Variants in ARK2C observed in about 807,000 individuals in gnomAD.
ARK2C encodes arkadia (RNF111) C-terminal like ring finger ubiquitin ligase 2C.
At chr18:46,459,216 G>A in the ARK2C span, 2 of 152,180 alleles carry the variant, frequency 1.3e-5, no homozygotes, top group East Asian at 1.9e-4. Context: ...AACTAGAGCT[G>A]GTGTCCCAGG....
At chr18:46,442,733 G>T in the ARK2C span, among the ~76,000 whole-genome samples, 3 of 151,912 alleles carry the variant, frequency 2.0e-5, no homozygotes, top group African/African-American at 7.3e-5. Flanking sequence ...ATTATTCCAT[G>T]AATTATAAAG....
At chr18:46,365,060 T>C in the ARK2C span, among the ~76,000 whole-genome samples, 1 of 152,180 alleles carries the variant, frequency 6.6e-6, no homozygotes, top group Admixed American at 6.5e-5. Flanking sequence ...GCCCTATAAG[T>C]CTCTGGTTCT....
At chr18:46,396,946 C>A in the ARK2C span, among the ~76,000 whole-genome samples, 1 of 152,230 alleles carries the variant, frequency 6.6e-6, no homozygotes, top group Non-Finnish European at 1.5e-5. Context: ...CTGGGGGGTT[C>A]CCCTTTCCTT....
chr18:46,398,962 T>G, the ARK2C span, among the ~76,000 whole-genome samples: 1 of 152,142 alleles, frequency 6.6e-6, no homozygotes, highest in Non-Finnish European at 1.5e-5. Flanking sequence ...AGGGAGCTCT[T>G]GTTAAAGGGC....
the ARK2C span, among the ~76,000 whole-genome samples, chr18:46,366,343 A>T: frequency 6.7e-6 from 1 of 149,948 alleles, no homozygotes; most frequent in South Asian, 2.1e-4. Context: ...AATTCTTGTG[A>T]TATAGGCCTA....
the ARK2C span, among the ~76,000 whole-genome samples, chr18:46,347,309 A>G: frequency 6.6e-6 from 1 of 151,892 alleles, no homozygotes; most frequent in Non-Finnish European, 1.5e-5. Context: ...CTCTCATTTC[A>G]TTGTCATCCC....
chr18:46,455,871 A>G, the ARK2C span: 1 of 669,166 alleles, frequency 1.5e-6, no homozygotes, highest in South Asian at 2.0e-5. Flanking sequence ...AGAAACTTTA[A>G]AAAACCTGAC....
At chr18:46,423,649 A>G in the ARK2C span, among the ~76,000 whole-genome samples, 2 of 152,184 alleles carry the variant, frequency 1.3e-5, no homozygotes, top group Non-Finnish European at 2.9e-5. Flanking sequence ...ATCACACTGC[A>G]GCACTGGGAC....
chr18:46,391,886 T>C, the ARK2C span, among the ~76,000 whole-genome samples: 3,538 of 151,756 alleles, frequency 0.023, 131 homozygotes, highest in African/African-American at 0.081. Flanking sequence ...ATACACAGCA[T>C]GCACACATAC....
chr18:46,421,279 C>T, the ARK2C span, among the ~76,000 whole-genome samples: 1 of 152,214 alleles, frequency 6.6e-6, no homozygotes, highest in Non-Finnish European at 1.5e-5. Flanking sequence ...AAATTCCATG[C>T]AGTTTTAAAA....
At chr18:46,448,458 G>A in the ARK2C span, among the ~76,000 whole-genome samples, 1 of 152,240 alleles carries the variant, frequency 6.6e-6, no homozygotes, top group African/African-American at 2.4e-5. Flanking sequence ...GCGTGGCAGG[G>A]TGTGGTCTGT....
At chr18:46,344,436 C>T in the ARK2C span, among the ~76,000 whole-genome samples, 2 of 151,926 alleles carry the variant, frequency 1.3e-5, no homozygotes, top group Admixed American at 6.6e-5. Context: ...CTCAGGGGCC[C>T]CCTCCGGGCT....
the ARK2C span, among the ~76,000 whole-genome samples, chr18:46,394,814 G>C: frequency 6.6e-6 from 1 of 152,202 alleles, no homozygotes; most frequent in African/African-American, 2.4e-5. Flanking sequence ...AAGGCTTCCT[G>C]AATAAACAAA....
At chr18:46,345,060 C>T in the ARK2C span, among the ~76,000 whole-genome samples, 1 of 148,146 alleles carries the variant, frequency 6.8e-6, no homozygotes, top group Non-Finnish European at 1.5e-5. Flanking sequence ...TCCTTCTGGC[C>T]AAGCTGATGC....
At chr18:46,334,310 A>C in the ARK2C span, 6 of 1,583,522 alleles carry the variant, frequency 3.8e-6, no homozygotes, top group African/African-American at 8.4e-5. The surrounding 1 kb of genome is among the most constrained non-coding windows in gnomAD (Gnocchi z 4.4). Flanking sequence ...TCGTGCTTCC[A>C]GTGTTTGGCT....
At chr18:46,437,341 T>C in the ARK2C span, among the ~76,000 whole-genome samples, 1 of 152,152 alleles carries the variant, frequency 6.6e-6, no homozygotes, top group Non-Finnish European at 1.5e-5. Context: ...CCCAGCCCTC[T>C]TTTCTAGAGA....
chr18:46,347,476 G>A, the ARK2C span, among the ~76,000 whole-genome samples: 1 of 152,166 alleles, frequency 6.6e-6, no homozygotes, highest in Non-Finnish European at 1.5e-5. Context: ...TGGAGGGGTC[G>A]CTGCTCGAGG....
the ARK2C span, among the ~76,000 whole-genome samples, chr18:46,452,343 G>A: frequency 4.7e-3 from 710 of 152,126 alleles, 9 homozygotes; most frequent in South Asian, 0.023. Context: ...GCAGTGGCAC[G>A]ATCTTGACTC....
the ARK2C span, among the ~76,000 whole-genome samples, chr18:46,388,252 G>A: frequency 6.0e-3 from 908 of 152,256 alleles, 6 homozygotes; most frequent in African/African-American, 0.02. Context: ...CCTCTAACTC[G>A]AAGATTCACC....
Sources: gnomAD v4.1 joint callset for allele counts (sites outside exome capture counted in the v4.1 genomes callset) on GRCh38, gnomAD v4.1.1 for gene constraint, Gnocchi (gnomAD v3.1) non-coding constraint, MANE v1.5 for transcripts, NCBI Gene and HGNC (gene_info 2026-07-23, HGNC 2026-07-21) for gene names.